The following ATP6V1C1 variants were observed in gnomAD, a reference collection of about 807,000 sequenced individuals.
The protein encoded by ATP6V1C1 is V-type proton ATPase subunit C 1.
In ATP6V1C1, 45 loss-of-function variants were observed where a neutral mutation model predicts 53.9. The observed-to-expected ratio is 0.83, with a 90% CI of 0.66 to 1.07. ATP6V1C1 has a LOEUF of 1.07. Among genes scored for constraint, ATP6V1C1 ranks in the 50% least tolerant of loss-of-function variants. The pLI is 0.00. For synonymous variants in ATP6V1C1, 153 were observed against 155.2 expected, an observed-to-expected ratio of 0.99 and a Z score of 0.11; for missense variants, 315 against 440.3, an observed-to-expected ratio of 0.72 and a Z score of 2.55.
chr8:103,068,732 G>A lies in ATP6V1C1; in HGVS notation c.1134G>A (p.Leu378=), dbSNP rs771801000. 1.2e-6 allele frequency: 2 copies of A among 1,608,108 alleles called. No homozygotes were observed. Among genetic ancestry groups the A allele is most frequent in the Admixed American group, 1.7e-5 (1 of 59,198 alleles). ...PYVYYKIDCN[L]LEFK is the part of the protein sequence containing the mutation. The stretch of plus-strand genomic sequence containing the variant: ...TGTACTACAAGATTGATTGCAACTT[G>A]CTGGAATTCAAGTGAAAATGGGCTC... The change falls in exon 13 of 13, where the codon TTG becomes TTA. Residue 378 remains leucine (L), a synonymous_variant. Transcript: ENST00000518738.
intron 1 of ATP6V1C1, among the ~76,000 whole-genome samples, chr8:103,033,048 A>G (rs1816826503): frequency 6.6e-6 from 1 of 152,254 alleles, no homozygotes. Context: ...GACAGATATC[A>G]AAGACTTGCT....
chr8:103,028,706 A>AT (rs2131381210), intron 1 of ATP6V1C1, among the ~76,000 whole-genome samples: 1 of 152,346 alleles, frequency 6.6e-6, no homozygotes, highest in African/African-American at 2.4e-5. Context: ...CTGGGATTAG[A>AT]TTCCAAGTCT....
rs764580234 is a variant in ATP6V1C1, at chr8:103,066,249, T to C, written c.927-72T>C. The C allele has an allele frequency of 1.1e-5, 17 of 1,508,744 alleles. 1 individual carries two copies. The highest frequency in any genetic ancestry group is 2.6e-5 in the South Asian group (2 of 75,878). The allele number at this position is 1,508,744 out of a possible 1,614,324, so 93.5% of individuals were successfully genotyped here. A position where few individuals can be genotyped will look rare whatever the true frequency, so the allele number is the denominator to read the frequency against. Reference sequence around the variant, plus strand: ...TAACCATGATTAAAGAGTATGAGAATATTTGCTTTGAAAAGAAAATCTCTT... The same window carrying C: ...TAACCATGATTAAAGAGTATGAGAACATTTGCTTTGAAAAGAAAATCTCTT... On this transcript the variant is annotated intron_variant, in intron 11 of 12. Coordinates refer to ENST00000518738, the MANE Select transcript of ATP6V1C1 (RefSeq NM_001695.5).
Position 103,071,912 on chromosome 8 carries a change from T to G in ATP6V1C1, c.*3165T>G, listed in dbSNP as rs2131409634. 1 of 152,416 alleles carries G rather than the reference T, an allele frequency of 6.6e-6. No homozygotes were observed. The highest frequency in any genetic ancestry group is 2.1e-4 in the South Asian group (1 of 4,832). The allele number at this position is 152,416 out of a possible 1,614,324, so 9.4% of individuals were successfully genotyped here. A position where few individuals can be genotyped will look rare whatever the true frequency, so the allele number is the denominator to read the frequency against. On this transcript the variant is annotated 3_prime_UTR_variant, in exon 13 of 13. Coordinates refer to ENST00000518738, the MANE Select transcript of ATP6V1C1 (RefSeq NM_001695.5). ...TGTTACAGGCATAAGCCACCACGCC[T>G]GGCCTGTGTTGCTATTATATTTGGC...
chr8:103,024,563 T>G (rs998611713), intron 1 of ATP6V1C1, among the ~76,000 whole-genome samples: 1 of 152,214 alleles, frequency 6.6e-6, no homozygotes, highest in Non-Finnish European at 1.5e-5. Flanking sequence ...CTACTTAAAA[T>G]TTTGCTCTTG....
intron 8 of ATP6V1C1, among the ~76,000 whole-genome samples, chr8:103,060,194 C>T (rs964292034): frequency 6.6e-6 from 1 of 152,096 alleles, no homozygotes; most frequent in Non-Finnish European, 1.5e-5. Context: ...TCTCGAGCTC[C>T]TGACCTCTAA....
At chr8:103,049,092 A>T (rs968165324) in intron 4 of ATP6V1C1, 137 bp downstream of exon 4, 41 of 745,770 alleles carry the variant, frequency 5.5e-5, no homozygotes, top group Non-Finnish European at 7.8e-5. Flanking sequence ...TACAATTATT[A>T]TTACTGAATT....
intron 3 of ATP6V1C1, among the ~76,000 whole-genome samples, chr8:103,044,023 A>C (rs1817050904): frequency 6.6e-6 from 1 of 151,822 alleles, no homozygotes; most frequent in Non-Finnish European, 1.5e-5. Flanking sequence ...CGAGTAGCTG[A>C]GATTACAGGT....
chr8:103,072,164 A>G lies in ATP6V1C1; in HGVS notation c.*3417A>G, dbSNP rs1480985820. On this transcript the variant is annotated 3_prime_UTR_variant, in exon 13 of 13. Coordinates refer to ENST00000518738, the MANE Select transcript of ATP6V1C1 (RefSeq NM_001695.5). ...TGTGGAACCAATCTTTGTGGAACATATTCCAGCTTTTTGAATGAGTGCATA... is the reference window on the plus strand; with the variant it reads ...TGTGGAACCAATCTTTGTGGAACATGTTCCAGCTTTTTGAATGAGTGCATA... 6.6e-6 allele frequency: 1 copy of G among 152,240 alleles called. No individual in the cohort carries two copies. Among genetic ancestry groups the G allele is most frequent in the Non-Finnish European group, 1.5e-5 (1 of 68,044 alleles). 9.4% of individuals were successfully genotyped at this position (152,240 alleles called of 1,614,324 possible). A position where few individuals can be genotyped will look rare whatever the true frequency, so the allele number is the denominator to read the frequency against.
chr8:103,068,128 C>T (rs1428346941), intron 12 of ATP6V1C1, among the ~76,000 whole-genome samples: 1 of 152,156 alleles, frequency 6.6e-6, no homozygotes, highest in Non-Finnish European at 1.5e-5. Flanking sequence ...TATAGGCACG[C>T]AGTACCACTG....
intron 8 of ATP6V1C1, among the ~76,000 whole-genome samples, chr8:103,062,169 T>G (rs1303516530): frequency 7.8e-6 from 1 of 128,538 alleles, no homozygotes; most frequent in Non-Finnish European, 1.7e-5. Flanking sequence ...GGGTTTTTTT[T>G]TTTTTTTTTT....
intron 6 of ATP6V1C1, among the ~76,000 whole-genome samples, chr8:103,053,580 T>TA (rs1817237673): frequency 6.6e-6 from 1 of 152,004 alleles, no homozygotes; most frequent in South Asian, 2.1e-4. Context: ...CTTTAATTGA[T>TA]ATCTAATGAG....
intron 1 of ATP6V1C1, among the ~76,000 whole-genome samples, chr8:103,040,435 A>G (rs1254579004): frequency 6.6e-6 from 1 of 151,928 alleles, no homozygotes; most frequent in Non-Finnish European, 1.5e-5. Flanking sequence ...AAAGTTTAAG[A>G]TAAACCTATA....
At chr8:103,066,563 A>G in intron 12 of ATP6V1C1, 116 bp downstream of exon 12, 6 of 1,146,778 alleles carry the variant, frequency 5.2e-6, no homozygotes, top group Non-Finnish European at 7.0e-6. Context: ...ATTTTTTATT[A>G]CTTTGAGGTT....
chr8:103,067,098 G>A (rs568247642), intron 12 of ATP6V1C1, among the ~76,000 whole-genome samples: 1 of 151,806 alleles, frequency 6.6e-6, no homozygotes, highest in South Asian at 2.1e-4. Flanking sequence ...TGTTGTTGCT[G>A]TTTAAAATTG....
At chr8:103,048,122 G>A (rs1336324430) in intron 3 of ATP6V1C1, among the ~76,000 whole-genome samples, 3 of 152,194 alleles carry the variant, frequency 2.0e-5, no homozygotes, top group Admixed American at 6.5e-5. Context: ...CAGCTCTGCC[G>A]TTAACTGGTC....
intron 1 of ATP6V1C1, among the ~76,000 whole-genome samples, chr8:103,036,835 G>A (rs1816906536): frequency 6.6e-6 from 1 of 152,116 alleles, no homozygotes; most frequent in Non-Finnish European, 1.5e-5. Context: ...CAATCATCAG[G>A]AAGAATTTAA....
Position 103,068,896 on chromosome 8 carries a change from T to A in ATP6V1C1, c.*149T>A, listed in dbSNP as rs974814532. 6.9e-6 allele frequency: 3 copies of A among 435,082 alleles called. No individual in the cohort carries two copies. The highest frequency in any genetic ancestry group is 1.2e-5 in the Non-Finnish European group (3 of 255,704). 27.0% of individuals were successfully genotyped at this position (435,082 alleles called of 1,614,324 possible). A position where few individuals can be genotyped will look rare whatever the true frequency, so the allele number is the denominator to read the frequency against. Reference sequence around the variant, plus strand: ...GAATTCTCCCACAGTGGTCTGTATCTCAACATTTTCTTTTTAAAGGAAAAA... The same window carrying A: ...GAATTCTCCCACAGTGGTCTGTATCACAACATTTTCTTTTTAAAGGAAAAA... On this transcript the variant is annotated 3_prime_UTR_variant, in exon 13 of 13. Coordinates refer to ENST00000518738, the MANE Select transcript of ATP6V1C1 (RefSeq NM_001695.5).
chr8:103,064,035 T>C (rs1817447492), intron 10 of ATP6V1C1, among the ~76,000 whole-genome samples: 1 of 152,334 alleles, frequency 6.6e-6, no homozygotes, highest in African/African-American at 2.4e-5. Flanking sequence ...TGTTTTGCTA[T>C]CCTTTTGCTT....
Sources: allele counts gnomAD v4.1 joint callset (sites outside exome capture counted in the v4.1 genomes callset), GRCh38; gene constraint gnomAD v4.1.1; transcripts MANE v1.5; gene names NCBI Gene and HGNC (gene_info 2026-07-23, HGNC 2026-07-21).